Variants in BTD observed in about 807,000 individuals in gnomAD.
The protein encoded by BTD is biotinidase, also known as biocytinase.
A neutral mutation model predicts 17.7 loss-of-function variants in BTD; 13 were observed. The ratio of observed to expected loss-of-function variants is 0.74; its 90% CI spans 0.48 to 1.17. BTD has a LOEUF of 1.17. Ranked by LOEUF, BTD falls within the 50% of genes most tolerant of loss-of-function variation. The probability of loss-of-function intolerance (pLI) is 0.00; values close to 1 mark genes in which losing one functional copy is unlikely to be tolerated. For missense variants in BTD, 674 were observed against 650.4 expected, an observed-to-expected ratio of 1.04 and a Z score of -0.39; for synonymous variants, 240 against 245.2, an observed-to-expected ratio of 0.98 and a Z score of 0.20.
intron 3 of BTD, among the ~76,000 whole-genome samples, chr3:15,701,561 T>C (rs1380968996): frequency 1.3e-5 from 2 of 151,940 alleles, no homozygotes; most frequent in Non-Finnish European, 2.9e-5. Context: ...GGAGAATCAC[T>C]TGAACCCAGG....
intron 1 of BTD, among the ~76,000 whole-genome samples, chr3:15,608,616 A>G (rs112048624): frequency 5.0e-4 from 76 of 152,226 alleles, no homozygotes; most frequent in Non-Finnish European, 9.1e-4. Flanking sequence ...AAATACAAAA[A>G]TTAGCTGGGC....
At chr3:15,678,846 TA>T (rs2067228169) in intron 3 of BTD, among the ~76,000 whole-genome samples, 1 of 152,226 alleles carries the variant, frequency 6.6e-6, no homozygotes, top group Non-Finnish European at 1.5e-5. Context: ...TTTTATAATG[TA>T]AAAATAATTG....
At position 15,648,231 on chromosome 3, in the gene BTD, C is replaced by T. The variant is rs1021751511; in HGVS notation, c.*2743C>T. ...GAACCGCTCAAGTGAAATGACCACT[C>T]AAAGAACAATTTCTCAACAAAGTGG... On this transcript the variant is annotated 3_prime_UTR_variant, in exon 4 of 4. Transcript: ENST00000643237. 2.0e-5 allele frequency among the ~76,000 whole-genome samples: 3 copies of T among 151,704 alleles called. No homozygotes were observed. Among genetic ancestry groups the T allele is most frequent in the African/African-American group, 7.3e-5 (3 of 41,246 alleles).
chr3:15,688,660 G>GA (rs1262871805), intron 3 of BTD, among the ~76,000 whole-genome samples: 2 of 151,872 alleles, frequency 1.3e-5, no homozygotes, highest in African/African-American at 2.4e-5. Context: ...CAAAGGACTA[G>GA]AAAAAAAATC....
rs1575031955 is a variant in BTD at position 15,645,508 on chromosome 3, G to A, written c.*20G>A. On this transcript the variant is annotated 3_prime_UTR_variant, in exon 4 of 4. Coordinates refer to ENST00000643237, the MANE Select transcript of BTD (RefSeq NM_001370658.1). Reference sequence around the variant, plus strand: ...GACTAGGAAAAGTGTGTGGTCTGTGGGGCGGACTCTGGCCATCATGTTGAC... The same window carrying A: ...GACTAGGAAAAGTGTGTGGTCTGTGAGGCGGACTCTGGCCATCATGTTGAC... 23 of 1,600,232 alleles carry A rather than the reference G, an allele frequency of 1.4e-5. No individual in the cohort carries two copies. In the East Asian group the frequency reaches 5.1e-4, roughly 36 times the overall value.
chr3:15,691,828 A>C (rs1182164552), intron 3 of BTD, among the ~76,000 whole-genome samples: 1 of 152,176 alleles, frequency 6.6e-6, no homozygotes, highest in Non-Finnish European at 1.5e-5. Context: ...TATAAAAGAC[A>C]ATATAAAAAG....
At chr3:15,602,919 A>C (rs2064315916) in intron 1 of BTD, among the ~76,000 whole-genome samples, 1 of 152,220 alleles carries the variant, frequency 6.6e-6, no homozygotes, top group Non-Finnish European at 1.5e-5. Flanking sequence ...ATGGTCTCAC[A>C]GTTCCAAATG....
intron 3 of BTD, among the ~76,000 whole-genome samples, chr3:15,698,387 T>C (rs974513203): frequency 6.6e-6 from 1 of 152,110 alleles, no homozygotes; most frequent in Admixed American, 6.6e-5. Context: ...AAGTTCTGGC[T>C]AGGGCAATCA....
intron 3 of BTD, among the ~76,000 whole-genome samples, chr3:15,663,184 C>A (rs996529658): frequency 5.9e-5 from 9 of 151,944 alleles, no homozygotes; most frequent in Non-Finnish European, 1.2e-4. Context: ...TTATTAGAAA[C>A]GGTTTCTCCA....
intron 3 of BTD, among the ~76,000 whole-genome samples, chr3:15,688,483 T>TG: frequency 6.6e-6 from 1 of 152,244 alleles, no homozygotes; most frequent in Non-Finnish European, 1.5e-5. Flanking sequence ...AGTAATGCAT[T>TG]TTAACCTCTT....
intron 3 of BTD, among the ~76,000 whole-genome samples, chr3:15,664,820 G>T (rs1372211429): frequency 6.6e-6 from 1 of 151,940 alleles, no homozygotes; most frequent in Admixed American, 6.6e-5. Flanking sequence ...AAAACACATG[G>T]ACACAAAGAG....
In BTD at chr3:15,689,921, A is replaced by G; in HGVS notation, c.400-20139A>G. Reference sequence around the variant, plus strand: ...ATGATTTGAAAAAAAAAAAGGTCAAAATTTTAAAGACAATTAACTGGAAAT... The same window carrying G: ...ATGATTTGAAAAAAAAAAAGGTCAAGATTTTAAAGACAATTAACTGGAAAT... On this transcript the variant is annotated intron_variant, in intron 3 of 3. Transcript: ENST00000672141. The G allele has an allele frequency of 3.3e-6, 4 of 1,219,388 alleles. No homozygotes were observed. In the East Asian group the frequency reaches 7.7e-5, roughly 24 times the overall value. The allele number at this position is 1,219,388 out of a possible 1,614,324, so 75.5% of individuals were successfully genotyped here.
At chr3:15,670,515 C>T (rs949585819) in intron 3 of BTD, 1 of 1,613,902 alleles carries the variant, frequency 6.2e-7, no homozygotes, top group Non-Finnish European at 8.5e-7. Context: ...AGGCAATCAG[C>T]CACATCCTTA....
chr3:15,701,552 G>A (rs1433466434), intron 3 of BTD, among the ~76,000 whole-genome samples: 2 of 152,094 alleles, frequency 1.3e-5, no homozygotes, highest in African/African-American at 2.4e-5. Context: ...GCTGAGGCAG[G>A]AGAATCACTT....
chr3:15,686,047 A>C, intron 3 of BTD: 2 of 1,613,782 alleles, frequency 1.2e-6, no homozygotes, highest in Non-Finnish European at 1.7e-6. Context: ...TGGCATCTAC[A>C]TTTGCTCCTT....
rs958221946 is a variant in BTD at position 15,649,327 on chromosome 3, C to T, written c.*3839C>T. On this transcript the variant is annotated 3_prime_UTR_variant, in exon 4 of 4. Transcript: ENST00000643237. Reference sequence around the variant, plus strand: ...CATGATGTCTTTTATTAACTAGTCTCAGAAGTCACACTGCATCATTTGGCA... The same window carrying T: ...CATGATGTCTTTTATTAACTAGTCTTAGAAGTCACACTGCATCATTTGGCA... 6.6e-6 allele frequency among the ~76,000 whole-genome samples: 1 copy of T among 152,224 alleles called. No homozygotes were observed. Among genetic ancestry groups the T allele is most frequent in the African/African-American group, 2.4e-5 (1 of 41,456 alleles).
At chr3:15,605,910 G>A (rs1050008354) in intron 1 of BTD, among the ~76,000 whole-genome samples, 3 of 152,098 alleles carry the variant, frequency 2.0e-5, no homozygotes, top group African/African-American at 7.2e-5. Flanking sequence ...AGGTGTGGTG[G>A]CACATGCCTG....
chr3:15,605,012 G>C (rs1031683402), intron 1 of BTD, among the ~76,000 whole-genome samples: 1 of 152,096 alleles, frequency 6.6e-6, no homozygotes, highest in South Asian at 2.1e-4. Context: ...ATCTTCTTCT[G>C]AGCCCTCCAA....
chr3:15,634,666 A>G (rs2065297016), intron 1 of BTD, among the ~76,000 whole-genome samples: 3 of 152,234 alleles, frequency 2.0e-5, no homozygotes, highest in African/African-American at 7.2e-5. Context: ...TTTATTTCCA[A>G]ATGAGTAGGC....
Sources: gnomAD v4.1 joint callset for allele counts (sites outside exome capture counted in the v4.1 genomes callset) on GRCh38, gnomAD v4.1.1 for gene constraint, MANE v1.5 for transcripts, NCBI Gene and HGNC (gene_info 2026-07-23, HGNC 2026-07-21) for gene names.